The following CACNB2 variants were observed in gnomAD, a reference collection of about 807,000 sequenced individuals.
CACNB2 encodes calcium voltage-gated channel auxiliary subunit beta 2, also known as voltage-dependent L-type calcium channel subunit beta-2.
CACNB2 carries 42 observed loss-of-function variants against 73.3 expected under a neutral mutation model. The ratio of observed to expected loss-of-function variants is 0.57; its 90% CI spans 0.45 to 0.74. The LOEUF is 0.74. Ranked by LOEUF, CACNB2 falls within the 30% of genes least tolerant of loss-of-function variation. The probability of loss-of-function intolerance (pLI) is 0.00; values close to 1 mark genes in which losing one functional copy is unlikely to be tolerated. For synonymous variants in CACNB2, 348 were observed against 310.3 expected, an observed-to-expected ratio of 1.12 and a Z score of -1.28; for missense variants, 940 against 853.0, an observed-to-expected ratio of 1.10 and a Z score of -1.27.
At chr10:18,401,020 G>T (rs751942206) in intron 2 of CACNB2, 49 of 1,614,006 alleles carry the variant, frequency 3.0e-5, no homozygotes, top group Non-Finnish European at 3.9e-5. Context: ...CGATAAAGGC[G>T]CTGTCTGGCT....
chr10:18,433,752 A>G (rs1475451639), intron 3 of CACNB2, among the ~76,000 whole-genome samples: 1 of 152,174 alleles, frequency 6.6e-6, no homozygotes, highest in Admixed American at 6.5e-5. Flanking sequence ...TTGTAGCTAC[A>G]TTACAAAAAT....
chr10:18,194,711 C>G (rs144108523), intron 2 of CACNB2, among the ~76,000 whole-genome samples: 142 of 152,284 alleles, frequency 9.3e-4, no homozygotes, highest in African/African-American at 3.3e-3. Flanking sequence ...GAATTGGAGT[C>G]TTTTTGTCCC....
chr10:18,379,708 C>T (rs960985508), intron 2 of CACNB2, among the ~76,000 whole-genome samples: 3 of 152,166 alleles, frequency 2.0e-5, no homozygotes, highest in African/African-American at 7.2e-5. Flanking sequence ...GACAAGGGGA[C>T]AGGGTTTCAC....
chr10:18,151,414 A>G (rs1455315551), intron 2 of CACNB2: 1 of 176,860 alleles, frequency 5.7e-6, no homozygotes, highest in African/African-American at 2.4e-5. Flanking sequence ...TGGTCTTGAA[A>G]TGGTTGAGGC....
intron 4 of CACNB2, among the ~76,000 whole-genome samples, 191 bp from the exon 5 acceptor site, chr10:18,500,621 T>C (rs1000308617): frequency 3.3e-5 from 5 of 152,178 alleles, no homozygotes; most frequent in Non-Finnish European, 5.9e-5. Context: ...GCAGAGCCTT[T>C]GATAGATTGC....
intron 2 of CACNB2, among the ~76,000 whole-genome samples, chr10:18,283,073 C>T (rs1564402162): frequency 6.6e-6 from 1 of 152,194 alleles, no homozygotes. Flanking sequence ...TGAAAAAATG[C>T]TCATCATCAC....
chr10:18,157,211 T>G (rs2032121800), intron 2 of CACNB2, among the ~76,000 whole-genome samples: 1 of 152,260 alleles, frequency 6.6e-6, no homozygotes, highest in Admixed American at 6.5e-5. Context: ...TTATGTAAAT[T>G]ATGATGTTAT....
chr10:18,534,306 C>A, intron 11 of CACNB2, 79 bp downstream of exon 11: 1 of 1,215,512 alleles, frequency 8.2e-7, no homozygotes, highest in Non-Finnish European at 1.2e-6. Context: ...TATAATTAGG[C>A]TATTGTAATA....
At chr10:18,496,680 G>A (rs1206050263) in intron 3 of CACNB2, among the ~76,000 whole-genome samples, 2 of 151,756 alleles carry the variant, frequency 1.3e-5, no homozygotes, top group Non-Finnish European at 2.9e-5. Flanking sequence ...TGGGCGTGGT[G>A]GCGGGTGCCT....
At chr10:18,524,705 G>A (rs1011274226) in intron 9 of CACNB2, among the ~76,000 whole-genome samples, 1 of 149,258 alleles carries the variant, frequency 6.7e-6, no homozygotes, top group Non-Finnish European at 1.5e-5. Context: ...TTTATCTCAT[G>A]GAAACCACGA....
chr10:18,254,425 A>G (rs2037201068), intron 2 of CACNB2, among the ~76,000 whole-genome samples: 1 of 151,958 alleles, frequency 6.6e-6, no homozygotes, highest in South Asian at 2.1e-4. Flanking sequence ...TTTTTCCCTA[A>G]TTTCATTGCT....
chr10:18,328,469 A>G (rs1449427472), intron 2 of CACNB2, among the ~76,000 whole-genome samples: 3 of 152,208 alleles, frequency 2.0e-5, no homozygotes, highest in Non-Finnish European at 4.4e-5. Context: ...TACTCATTAT[A>G]TTCATAGTTA....
At chr10:18,395,170 T>C (rs1185730627) in intron 2 of CACNB2, among the ~76,000 whole-genome samples, 1 of 152,152 alleles carries the variant, frequency 6.6e-6, no homozygotes, top group Admixed American at 6.6e-5. Flanking sequence ...AAATTAATGT[T>C]AGCATGTTAG....
chr10:18,506,810 A>T (rs547166131), intron 6 of CACNB2, among the ~76,000 whole-genome samples: 54 of 151,992 alleles, frequency 3.6e-4, no homozygotes, highest in Middle Eastern at 6.8e-3. Flanking sequence ...TTATTTATTT[A>T]TTTTTTTGAG....
intron 2 of CACNB2, 34 bp downstream of exon 2, chr10:18,151,009 C>A (rs770454962): frequency 1.6e-6 from 2 of 1,281,372 alleles, no homozygotes; most frequent in South Asian, 1.2e-5. Context: ...TTGATAAGTA[C>A]CTTAAAATGA....
At chr10:18,446,851 G>T (rs1193333533) in intron 3 of CACNB2, among the ~76,000 whole-genome samples, 2 of 152,096 alleles carry the variant, frequency 1.3e-5, no homozygotes, top group Admixed American at 1.3e-4. Flanking sequence ...GATCGCTGGA[G>T]CCCAGAAGTT....
intron 10 of CACNB2, among the ~76,000 whole-genome samples, chr10:18,529,759 A>T (rs933818727): frequency 6.6e-6 from 1 of 152,256 alleles, no homozygotes; most frequent in African/African-American, 2.4e-5. Flanking sequence ...GTCTGTTCTC[A>T]GGAAAAAATG....
chr10:18,260,258 A>G (rs983160296), intron 2 of CACNB2: 1 of 197,666 alleles, frequency 5.1e-6, no homozygotes, highest in African/African-American at 2.4e-5. Flanking sequence ...GGAAAGATCT[A>G]AATAATAGCT....
At chr10:18,197,787 G>A (rs1166306448) in intron 2 of CACNB2, among the ~76,000 whole-genome samples, 3 of 151,950 alleles carry the variant, frequency 2.0e-5, no homozygotes, top group South Asian at 2.1e-4. Flanking sequence ...TCAGATCAAC[G>A]TCTCCTGGGG....
Sources: allele counts gnomAD v4.1 joint callset (sites outside exome capture counted in the v4.1 genomes callset), GRCh38; gene constraint gnomAD v4.1.1; transcripts MANE v1.5; gene names NCBI Gene and HGNC (gene_info 2026-07-23, HGNC 2026-07-21).